Variants in STK10 observed in about 807,000 individuals in gnomAD.
STK10 encodes the protein serine/threonine kinase 10, also known as serine/threonine-protein kinase 10.
Under a neutral mutation model 113.8 loss-of-function variants are expected in STK10, and 78 were observed. That is an observed-to-expected ratio of 0.69 (90% CI 0.57 to 0.83). STK10 has a LOEUF of 0.83. Among genes scored for constraint, STK10 ranks in the 40% least tolerant of loss-of-function variants. The pLI is 0.00. For synonymous variants in STK10, 465 were observed against 494.7 expected (o/e 0.94, Z 0.80); for missense variants, 1,109 against 1,280.1 (o/e 0.87, Z 2.04).
intron 3 of STK10, among the ~76,000 whole-genome samples, chr5:172,121,245 G>C (rs899896337): frequency 7.9e-5 from 12 of 152,128 alleles, no homozygotes; most frequent in African/African-American, 2.9e-4. Flanking sequence ...TGGCCAAGCT[G>C]ATCTTGAACT....
At chr5:172,171,598 C>T (rs1289274091) in intron 1 of STK10, among the ~76,000 whole-genome samples, 1 of 152,132 alleles carries the variant, frequency 6.6e-6, no homozygotes, top group African/African-American at 2.4e-5. Flanking sequence ...CCTGTAGTCC[C>T]AGCTACTTGA....
chr5:172,064,679 G>A (rs775425824), intron 13 of STK10, 41 bp downstream of exon 13: 3 of 1,603,942 alleles, frequency 1.9e-6, no homozygotes, highest in East Asian at 2.2e-5. Flanking sequence ...TCCAGGTCTC[G>A]CACCAGCCCC....
At chr5:172,083,620 ATAT>A (rs1768482459) in intron 10 of STK10, among the ~76,000 whole-genome samples, 1 of 152,218 alleles carries the variant, frequency 6.6e-6, no homozygotes, top group Non-Finnish European at 1.5e-5. Context: ...CTGAATAAGA[ATAT>A]TCAGCTGGGT....
At chr5:172,113,679 G>A (rs1022124419) in intron 4 of STK10, among the ~76,000 whole-genome samples, 4 of 152,160 alleles carry the variant, frequency 2.6e-5, no homozygotes, top group Admixed American at 2.6e-4. Context: ...CACTTTGGGA[G>A]GCTGAGGCAG....
Position 172,067,579 on chromosome 5 carries a change from T to C in STK10, c.1990-2767A>G, listed in dbSNP as rs149506235. 3.0e-3 allele frequency among the ~76,000 whole-genome samples: 453 copies of C among 152,020 alleles called. 3 individuals are homozygous for C. The highest frequency in any genetic ancestry group is 0.011 in the African/African-American group (436 of 41,514). On this transcript the variant is annotated intron_variant, in intron 12 of 18. Coordinates refer to ENST00000176763, the MANE Select transcript of STK10 (RefSeq NM_005990.4). ...AAGCAGCTATTATAACTGTACTCCA[T>C]GAGGTAAAGCCCTTTAATATTTCAA...
chr5:172,060,170 G>A (rs1202953929), intron 14 of STK10, among the ~76,000 whole-genome samples: 1 of 152,188 alleles, frequency 6.6e-6, no homozygotes, highest in Non-Finnish European at 1.5e-5. Context: ...CACTTTGGGA[G>A]GCTGAGACAG....
At chr5:172,105,509 G>A in intron 7 of STK10, 147 bp downstream of exon 7, 1 of 790,486 alleles carries the variant, frequency 1.3e-6, no homozygotes, top group Non-Finnish European at 2.0e-6. Flanking sequence ...TGGCATTCAG[G>A]AGGTGCCTGG....
At chr5:172,065,511 C>G (rs574041194) in intron 12 of STK10, among the ~76,000 whole-genome samples, 3 of 152,216 alleles carry the variant, frequency 2.0e-5, no homozygotes, top group East Asian at 3.9e-4. Context: ...AGGCATGTGC[C>G]ACCGCGCCTG....
At chr5:172,121,827 A>G (rs1334715297) in intron 3 of STK10, among the ~76,000 whole-genome samples, 1 of 151,980 alleles carries the variant, frequency 6.6e-6, no homozygotes, top group African/African-American at 2.4e-5. Context: ...TGGTTTCCCA[A>G]AGTGTTGGGA....
intron 1 of STK10, among the ~76,000 whole-genome samples, chr5:172,159,158 C>G (rs1052838436): frequency 6.6e-6 from 1 of 152,208 alleles, no homozygotes; most frequent in African/African-American, 2.4e-5. Context: ...TGAGGACCCA[C>G]AGCTCCCCAA....
rs774258059 is a variant in STK10, at chr5:172,096,394, C to T, written c.1005+32G>A. ...GCCAGCTGAGATCCTGTCCTCCCAGCCCCCGCTAAGCCCCACTCTCCCTGG... is the reference window on the plus strand; with the variant it reads ...GCCAGCTGAGATCCTGTCCTCCCAGTCCCCGCTAAGCCCCACTCTCCCTGG... On this transcript the variant is annotated intron_variant, in intron 8 of 18. Coordinates refer to ENST00000176763, the MANE Select transcript of STK10 (RefSeq NM_005990.4). 10 of 1,605,384 alleles carry T rather than the reference C, an allele frequency of 6.2e-6. No homozygotes were observed. The African/African-American group carries it at 1.1e-4, about 17-fold the overall frequency.
chr5:172,156,888 C>G, intron 1 of STK10, 100 bp from the exon 2 acceptor site: 1 of 1,380,474 alleles, frequency 7.2e-7, no homozygotes, highest in South Asian at 1.4e-5. Flanking sequence ...AAACAGAGGC[C>G]GGATGTCCAG....
Position 172,044,366 on chromosome 5 carries a change from C to G in STK10, c.*516G>C, listed in dbSNP as rs1220636901. On this transcript the variant is annotated 3_prime_UTR_variant, in exon 19 of 19. Coordinates refer to ENST00000176763, the MANE Select transcript of STK10 (RefSeq NM_005990.4). The surrounding 1 kb of genome is among the most constrained non-coding windows in gnomAD (Gnocchi z 4.5). The stretch of plus-strand genomic sequence containing the variant: ...AGAACAGGAGGAATGAGGCCATCTC[C>G]TGAGCAGCCAGCTGCAGGCCTGGCT... The G allele has an allele frequency of 1.9e-5, 3 of 157,036 alleles. No individual in the cohort carries two copies. The highest frequency in any genetic ancestry group is 4.2e-5 in the Non-Finnish European group (3 of 70,962). 9.7% of individuals were successfully genotyped at this position (157,036 alleles called of 1,614,324 possible).
intron 8 of STK10, among the ~76,000 whole-genome samples, chr5:172,095,875 A>G (rs1000082564): frequency 1.3e-5 from 2 of 152,372 alleles, no homozygotes; most frequent in African/African-American, 4.8e-5. Context: ...GCCAGAATCC[A>G]GCCCACAGAC....
At chr5:172,159,925 C>T (rs1770434298) in intron 1 of STK10, among the ~76,000 whole-genome samples, 1 of 148,612 alleles carries the variant, frequency 6.7e-6, no homozygotes, top group African/African-American at 2.6e-5. Flanking sequence ...ATCACAAGGT[C>T]AGGAGTTTGA....
chr5:172,082,960 C>T lies in STK10; in HGVS notation c.1809+1G>A, dbSNP rs754641593. 3.7e-6 allele frequency: 6 copies of T among 1,613,150 alleles called. No homozygotes were observed. Among genetic ancestry groups the T allele is most frequent in the Non-Finnish European group, 5.1e-6 (6 of 1,179,934 alleles). ...AGGGTCCCATCTTTTCTCGCACTCA[C>T]GTTGATTTCCTGTTCAAAACGTTTA... On this transcript the variant is annotated splice_donor_variant, in intron 11 of 18. Transcript: ENST00000176763. LOFTEE classifies it high-confidence loss of function. The surrounding 1 kb of genome is among the most constrained non-coding windows in gnomAD (Gnocchi z 4.3).
intron 7 of STK10, 68 bp from the exon 8 acceptor site, chr5:172,096,628 G>C: frequency 6.3e-7 from 1 of 1,588,520 alleles, no homozygotes. Flanking sequence ...GAGGCTGGGG[G>C]AGCTCACCCC....
chr5:172,050,502 G>A (rs1767604902), intron 18 of STK10, among the ~76,000 whole-genome samples: 1 of 151,994 alleles, frequency 6.6e-6, no homozygotes, highest in Non-Finnish European at 1.5e-5. Context: ...AATGAGCCTG[G>A]GCAACATAGC....
chr5:172,055,800 C>T lies in STK10; in HGVS notation c.2338-24G>A, dbSNP rs762863071. On this transcript the variant is annotated intron_variant, in intron 15 of 18. Coordinates refer to ENST00000176763, the MANE Select transcript of STK10 (RefSeq NM_005990.4). ...TCCTGGAGAGGAATATCCAGAGGGG[C>T]TGAGGGCAGCTGCACTCTGGACTCA... 2.8e-6 allele frequency: 4 copies of T among 1,436,530 alleles called. No individual in the cohort carries two copies. The East Asian group carries it at 7.8e-5, about 28-fold the overall frequency. 89.0% of individuals were successfully genotyped at this position (1,436,530 alleles called of 1,614,324 possible). A position where few individuals can be genotyped will look rare whatever the true frequency, so the allele number is the denominator to read the frequency against.
Sources: gnomAD v4.1 joint callset for allele counts (sites outside exome capture counted in the v4.1 genomes callset) on GRCh38, gnomAD v4.1.1 for gene constraint, Gnocchi (gnomAD v3.1) non-coding constraint, MANE v1.5 for transcripts, NCBI Gene and HGNC (gene_info 2026-07-23, HGNC 2026-07-21) for gene names.